TADA2A: variants seen among roughly 807,000 people sequenced by gnomAD.
TADA2A encodes the protein transcriptional adaptor 2A.
Under a neutral mutation model 67.4 loss-of-function variants are expected in TADA2A, and 38 were observed. The ratio of observed to expected loss-of-function variants is 0.56; its 90% CI spans 0.44 to 0.74. The LOEUF is 0.74. Ranked by LOEUF, TADA2A falls within the 30% of genes least tolerant of loss-of-function variation. The pLI, the probability that TADA2A is intolerant of heterozygous loss-of-function variation, is 0.00. For missense variants in TADA2A, 454 were observed against 547.0 expected (o/e 0.83, Z 1.70); for synonymous variants, 192 against 181.6 (o/e 1.06, Z -0.46).
At chr17:37,450,220 T>C (rs192375931) in intron 8 of TADA2A, among the ~76,000 whole-genome samples, 4 of 152,330 alleles carry the variant, frequency 2.6e-5, no homozygotes, top group Admixed American at 2.6e-4. Flanking sequence ...TTGCTTACTT[T>C]AGCCATTAGA....
intron 14 of TADA2A, among the ~76,000 whole-genome samples, chr17:37,473,296 C>G (rs971054169): frequency 6.6e-6 from 1 of 151,920 alleles, no homozygotes; most frequent in African/African-American, 2.4e-5. Flanking sequence ...TTGTTCCTAG[C>G]CTGTGTTAGC....
chr17:37,414,176 G>T (rs1006622377), intron 2 of TADA2A, among the ~76,000 whole-genome samples: 1 of 151,880 alleles, frequency 6.6e-6, no homozygotes, highest in Non-Finnish European at 1.5e-5. Flanking sequence ...TATATGTACC[G>T]CATTTTCTTT....
chr17:37,456,886 A>G (rs1029637420), intron 8 of TADA2A, among the ~76,000 whole-genome samples: 1 of 152,048 alleles, frequency 6.6e-6, no homozygotes, highest in Non-Finnish European at 1.5e-5. Flanking sequence ...TTACACTGAT[A>G]AAACTTTTAC....
intron 5 of TADA2A, among the ~76,000 whole-genome samples, chr17:37,439,932 TTATTTATTTATTA>T (rs1439436078): frequency 4.7e-5 from 4 of 85,842 alleles, no homozygotes; most frequent in Admixed American, 1.2e-4. Flanking sequence ...ATTTATTTAT[TTATTTATTTATTA>T]TTTTTTTTTT....
intron 8 of TADA2A, chr17:37,454,787 C>A: frequency 3.8e-6 from 1 of 261,604 alleles, no homozygotes; most frequent in Non-Finnish European, 8.2e-6. Flanking sequence ...TAAAAAGGCT[C>A]AATGAAAACA....
chr17:37,454,094 G>A (rs555335868), intron 8 of TADA2A: 26 of 151,884 alleles, frequency 1.7e-4, no homozygotes, highest in African/African-American at 5.8e-4. Context: ...ATTCTAATAC[G>A]TAGCCAAATT....
At chr17:37,437,922 AGT>A in intron 5 of TADA2A, 93 bp downstream of exon 5, 1 of 1,197,538 alleles carries the variant, frequency 8.4e-7, no homozygotes, top group Non-Finnish European at 1.2e-6. Context: ...AGGAAGAGAA[AGT>A]ATGTGTTGCT....
chr17:37,408,436 A>C (rs2051722461), intron 1 of TADA2A: 2 of 152,016 alleles, frequency 1.3e-5, no homozygotes, highest in Non-Finnish European at 1.5e-5. Flanking sequence ...TTTTTAGTAG[A>C]GACAGGGTTT....
intron 8 of TADA2A, among the ~76,000 whole-genome samples, chr17:37,453,112 C>T (rs540871185): frequency 1.1e-3 from 170 of 152,240 alleles, no homozygotes; most frequent in African/African-American, 3.9e-3. Flanking sequence ...GCTCATAGCC[C>T]AGCATGTAAG....
At chr17:37,411,449 C>T (rs753675456) in intron 2 of TADA2A, 59 bp downstream of exon 2, 73 of 1,487,718 alleles carry the variant, frequency 4.9e-5, no homozygotes, top group South Asian at 1.9e-4. Flanking sequence ...TTGAGATGGA[C>T]TCTCCCTCTG....
intron 2 of TADA2A, 88 bp from the exon 3 acceptor site, chr17:37,423,421 G>A: frequency 3.0e-6 from 3 of 1,015,692 alleles, no homozygotes; most frequent in Non-Finnish European, 4.4e-6. Flanking sequence ...CTCACTACTT[G>A]TGTGGTCATT....
intron 8 of TADA2A, among the ~76,000 whole-genome samples, chr17:37,447,694 G>A (rs2053122737): frequency 6.6e-6 from 1 of 152,160 alleles, no homozygotes; most frequent in Non-Finnish European, 1.5e-5. Context: ...GCCACAGAGA[G>A]GTATTTTGTT....
At chr17:37,456,029 C>G (rs1870152340) in intron 8 of TADA2A, among the ~76,000 whole-genome samples, 1 of 152,092 alleles carries the variant, frequency 6.6e-6, no homozygotes, top group Admixed American at 6.6e-5. Flanking sequence ...TATGGCGAAA[C>G]CCTGTCTCTA....
At chr17:37,417,230 A>C (rs1283729238) in intron 2 of TADA2A, among the ~76,000 whole-genome samples, 1 of 151,604 alleles carries the variant, frequency 6.6e-6, no homozygotes, top group Non-Finnish European at 1.5e-5. Context: ...AAATACAAAA[A>C]TTAGCTGGGT....
intron 10 of TADA2A, among the ~76,000 whole-genome samples, chr17:37,464,810 G>A: frequency 7.5e-6 from 1 of 133,348 alleles, no homozygotes; most frequent in Admixed American, 8.2e-5. Context: ...CTGCACTCCA[G>A]CCTGGGCCAC....
At chr17:37,437,565 TTAG>T (rs1206125583) in intron 4 of TADA2A, among the ~76,000 whole-genome samples, 170 bp from the exon 5 acceptor site, 1 of 151,974 alleles carries the variant, frequency 6.6e-6, no homozygotes, top group Non-Finnish European at 1.5e-5. Flanking sequence ...TTTTGTGTTT[TTAG>T]TAGAGATGGA....
chr17:37,468,645 G>T (rs997263646), intron 12 of TADA2A, among the ~76,000 whole-genome samples: 1 of 151,980 alleles, frequency 6.6e-6, no homozygotes, highest in Non-Finnish European at 1.5e-5. Context: ...GGGATTACAG[G>T]TGTGAGCAAC....
chr17:37,435,987 A>G (rs1001277973), intron 4 of TADA2A, among the ~76,000 whole-genome samples: 11 of 152,086 alleles, frequency 7.2e-5, no homozygotes, highest in Non-Finnish European at 1.0e-4. Context: ...AAATTCTGGG[A>G]TTGCAGGCAT....
At chr17:37,458,025 G>C (rs565032746) in intron 8 of TADA2A, among the ~76,000 whole-genome samples, 1 of 152,112 alleles carries the variant, frequency 6.6e-6, no homozygotes, top group African/African-American at 2.4e-5. Context: ...GCATCATCCA[G>C]GTATTAAGCC....
Sources: allele counts gnomAD v4.1 joint callset (sites outside exome capture counted in the v4.1 genomes callset), GRCh38; gene constraint gnomAD v4.1.1; transcripts MANE v1.5; gene names NCBI Gene and HGNC (gene_info 2026-07-23, HGNC 2026-07-21).